The following MBOAT2 variants were observed in gnomAD, a reference collection of about 807,000 sequenced individuals.
MBOAT2 encodes the protein membrane bound glycerophospholipid O-acyltransferase 2, also known as membrane-bound glycerophospholipid O-acyltransferase 2.
In MBOAT2, 28 loss-of-function variants were observed where a neutral mutation model predicts 63.4. That is an observed-to-expected ratio of 0.44 (90% CI 0.33 to 0.61). MBOAT2 has a LOEUF of 0.61. MBOAT2 is among the 20% of genes least tolerant of loss of function. MBOAT2 has a pLI of 0.03. For missense variants in MBOAT2, 470 were observed against 605.8 expected (o/e 0.78, Z 2.35); for synonymous variants, 211 against 215.6 (o/e 0.98, Z 0.19).
intron 1 of MBOAT2, among the ~76,000 whole-genome samples, chr2:9,001,564 C>A (rs895720020): frequency 2.0e-5 from 3 of 152,160 alleles, no homozygotes; most frequent in African/African-American, 7.2e-5. Flanking sequence ...TATACAAAGT[C>A]AGGGCTACAC....
intron 5 of MBOAT2, 106 bp downstream of exon 5, chr2:8,887,912 C>T: frequency 1.0e-6 from 1 of 994,846 alleles, no homozygotes; most frequent in Non-Finnish European, 1.6e-6. Context: ...ATCTTACCTC[C>T]CTCCATTTCC....
intron 1 of MBOAT2, among the ~76,000 whole-genome samples, chr2:8,984,160 AG>A (rs1218683411): frequency 3.3e-5 from 5 of 152,210 alleles, no homozygotes; most frequent in Non-Finnish European, 7.3e-5. Context: ...AGTCACAAAA[AG>A]ACAAACACTA....
intron 3 of MBOAT2, among the ~76,000 whole-genome samples, chr2:8,912,355 A>AAGAGAG (rs1363761941): frequency 2.6e-4 from 24 of 93,970 alleles, no homozygotes; most frequent in African/African-American, 7.7e-4. Context: ...AAGAAAGAGA[A>AAGAGAG]AGAAAGAAAG....
At chr2:8,881,664 C>T (rs1037364118) in intron 6 of MBOAT2, among the ~76,000 whole-genome samples, 6 of 152,006 alleles carry the variant, frequency 3.9e-5, no homozygotes, top group African/African-American at 1.5e-4. Flanking sequence ...ATCAACCTCT[C>T]GTCAGGAAAG....
At chr2:8,914,628 T>TCATGTA (rs1666020310) in intron 3 of MBOAT2, among the ~76,000 whole-genome samples, 1 of 152,144 alleles carries the variant, frequency 6.6e-6, no homozygotes, top group Admixed American at 6.5e-5. Flanking sequence ...TACAATAAAC[T>TCATGTA]CATGTATGCA....
chr2:8,982,185 G>A (rs1671244098), intron 1 of MBOAT2, among the ~76,000 whole-genome samples: 1 of 152,130 alleles, frequency 6.6e-6, no homozygotes, highest in Non-Finnish European at 1.5e-5. Context: ...ACCATTATTA[G>A]CAGTCAACTC....
chr2:8,996,106 C>A (rs939572409), intron 1 of MBOAT2, among the ~76,000 whole-genome samples: 2 of 152,144 alleles, frequency 1.3e-5, no homozygotes, highest in African/African-American at 4.8e-5. Flanking sequence ...GGTCTCAGAG[C>A]CACACTTTAA....
intron 4 of MBOAT2, among the ~76,000 whole-genome samples, chr2:8,894,969 C>T (rs575263015): frequency 2.2e-4 from 33 of 150,908 alleles, no homozygotes; most frequent in Non-Finnish European, 4.1e-4. Context: ...GCGGCACGTC[C>T]GGAGTTGTTC....
At chr2:8,979,913 G>A (rs1055753465) in intron 1 of MBOAT2, among the ~76,000 whole-genome samples, 1 of 152,064 alleles carries the variant, frequency 6.6e-6, no homozygotes, top group African/African-American at 2.4e-5. Flanking sequence ...TTAGGGCTAG[G>A]GAGAAAGCCG....
intron 1 of MBOAT2, among the ~76,000 whole-genome samples, chr2:9,001,991 G>A (rs1672721146): frequency 6.6e-6 from 1 of 151,720 alleles, no homozygotes; most frequent in African/African-American, 2.4e-5. Context: ...CCCTGCATTT[G>A]CTGATATACT....
At chr2:8,864,072 A>G in intron 10 of MBOAT2, 98 bp downstream of exon 10, 2 of 811,560 alleles carry the variant, frequency 2.5e-6, no homozygotes, top group Non-Finnish European at 1.9e-6. Flanking sequence ...AATGTCACTC[A>G]ACACCGTTAA....
intron 1 of MBOAT2, among the ~76,000 whole-genome samples, chr2:8,978,137 G>T (rs891227978): frequency 6.6e-5 from 10 of 152,008 alleles, no homozygotes; most frequent in Admixed American, 3.9e-4. Flanking sequence ...ACTCTGCCCT[G>T]AAAGACCAAG....
intron 2 of MBOAT2, among the ~76,000 whole-genome samples, chr2:8,945,433 G>A (rs979856762): frequency 2.0e-5 from 3 of 152,114 alleles, no homozygotes; most frequent in African/African-American, 7.2e-5. Flanking sequence ...CATTAAAAGC[G>A]TTGATGGGGT....
intron 2 of MBOAT2, among the ~76,000 whole-genome samples, chr2:8,950,781 G>C (rs2103257569): frequency 6.6e-6 from 1 of 152,250 alleles, no homozygotes; most frequent in African/African-American, 2.4e-5. Flanking sequence ...GCTTATCATT[G>C]ATGGCTCTTG....
At chr2:8,994,120 T>C (rs1419675760) in intron 1 of MBOAT2, among the ~76,000 whole-genome samples, 1 of 152,158 alleles carries the variant, frequency 6.6e-6, no homozygotes, top group Non-Finnish European at 1.5e-5. Flanking sequence ...ACACCAGCCC[T>C]GCGGACTCTA....
intron 7 of MBOAT2, among the ~76,000 whole-genome samples, chr2:8,874,248 C>T (rs1018143551): frequency 2.0e-5 from 3 of 152,166 alleles, no homozygotes; most frequent in Admixed American, 6.5e-5. Context: ...TTATTGGTTG[C>T]TCCTGCGAGG....
chr2:8,920,214 T>C (rs756637037), intron 3 of MBOAT2, among the ~76,000 whole-genome samples: 3 of 152,174 alleles, frequency 2.0e-5, no homozygotes, highest in Non-Finnish European at 4.4e-5. Flanking sequence ...TTTGAGTTGA[T>C]TTTTATGTAT....
intron 1 of MBOAT2, among the ~76,000 whole-genome samples, chr2:8,982,788 AACAGGT>A (rs1671290953): frequency 6.6e-6 from 1 of 152,146 alleles, no homozygotes; most frequent in Admixed American, 6.6e-5. Context: ...AGGAGAATAA[AACAGGT>A]ACCTCTTTTC....
chr2:8,859,059 C>T (rs928991381), intron 12 of MBOAT2, among the ~76,000 whole-genome samples, 155 bp from the exon 13 acceptor site: 1 of 152,158 alleles, frequency 6.6e-6, no homozygotes, highest in African/African-American at 2.4e-5. Context: ...GGAGAAGAAA[C>T]CTGACAGTGT....
Sources: gnomAD v4.1 joint callset for allele counts (sites outside exome capture counted in the v4.1 genomes callset) on GRCh38, gnomAD v4.1.1 for gene constraint, MANE v1.5 for transcripts, NCBI Gene and HGNC (gene_info 2026-07-23, HGNC 2026-07-21) for gene names.